The following AGBL1 variants were observed in gnomAD, a reference collection of about 807,000 sequenced individuals.
AGBL1 encodes the protein cytosolic carboxypeptidase 4.
Under a neutral mutation model 118.9 loss-of-function variants are expected in AGBL1, and 130 were observed. The ratio of observed to expected loss-of-function variants is 1.09; its 90% CI spans 0.95 to 1.26. AGBL1 has a LOEUF of 1.26. Among genes scored for constraint, AGBL1 ranks in the 50% most tolerant of loss-of-function variants. The probability of loss-of-function intolerance (pLI) is 0.00; values close to 1 mark genes in which losing one functional copy is unlikely to be tolerated. For synonymous variants in AGBL1, 555 were observed against 478.9 expected, an observed-to-expected ratio of 1.16 and a Z score of -2.08; for missense variants, 1,584 against 1,298.1, an observed-to-expected ratio of 1.22 and a Z score of -3.38.
chr15:86,315,189 T>G (rs6496321), intron 17 of AGBL1, among the ~76,000 whole-genome samples: 111,257 of 152,030 alleles, frequency 0.73, 41,552 homozygotes, highest in African/African-American at 0.85. Context: ...AAAGCCTTTC[T>G]AATGGTGAAA....
At chr15:86,098,333 A>G (rs2141487807) in intron 1 of AGBL1, among the ~76,000 whole-genome samples, 1 of 151,978 alleles carries the variant, frequency 6.6e-6, no homozygotes, top group East Asian at 1.9e-4. Flanking sequence ...CCATTTATCT[A>G]TTTCTGGTTT....
intron 19 of AGBL1, among the ~76,000 whole-genome samples, chr15:86,540,747 T>C (rs984093475): frequency 5.3e-5 from 8 of 152,194 alleles, no homozygotes; most frequent in Non-Finnish European, 1.0e-4. Context: ...TGCCTTGTAA[T>C]TGCACCCTGC....
At chr15:86,832,331 TC>T (rs2079116452) in intron 22 of AGBL1, among the ~76,000 whole-genome samples, 2 of 152,218 alleles carry the variant, frequency 1.3e-5, no homozygotes, top group African/African-American at 4.8e-5. Context: ...TCTTTTCTAC[TC>T]CATCATCAGG....
At chr15:86,639,338 G>A (rs1567097280) in intron 21 of AGBL1, among the ~76,000 whole-genome samples, 2 of 152,116 alleles carry the variant, frequency 1.3e-5, no homozygotes, top group Non-Finnish European at 2.9e-5. Context: ...GGAAGAGCAG[G>A]AGTTTCTTTG....
At chr15:86,528,494 C>A (rs538845694) in intron 19 of AGBL1, among the ~76,000 whole-genome samples, 104 of 151,620 alleles carry the variant, frequency 6.9e-4, no homozygotes, top group African/African-American at 2.5e-3. Flanking sequence ...GCACAGCAGT[C>A]TGAGATCAAA....
At chr15:86,244,507 T>C (rs1441664976) in intron 6 of AGBL1, among the ~76,000 whole-genome samples, 4 of 149,834 alleles carry the variant, frequency 2.7e-5, no homozygotes, top group Non-Finnish European at 3.0e-5. Flanking sequence ...CAGAGAAAGA[T>C]TGACGGGTGT....
chr15:86,987,799 T>G (rs2141734683), intron 23 of AGBL1, among the ~76,000 whole-genome samples: 1 of 152,286 alleles, frequency 6.6e-6, no homozygotes, highest in South Asian at 2.1e-4. Context: ...TATGTATATT[T>G]TAATAAGAAA....
At chr15:86,981,102 G>C (rs115764583) in intron 23 of AGBL1, among the ~76,000 whole-genome samples, 1 of 151,950 alleles carries the variant, frequency 6.6e-6, no homozygotes, top group Non-Finnish European at 1.5e-5. Context: ...GGTCAGACCC[G>C]TCTCAAACTC....
Position 86,807,599 on chromosome 15 carries a change from G to A in AGBL1, c.3159-99488G>A, listed in dbSNP as rs183984695. ...CCTATAGGTATGGTCTGTGTACCTT[G>A]GAAGTCCTGGGTGTTGTGGAAAGTG... On this transcript the variant is annotated intron_variant, in intron 22 of 22. Coordinates refer to ENST00000614907, the MANE Select transcript of AGBL1 (RefSeq NM_001386094.1). Among the ~76,000 whole-genome samples the A allele has an allele frequency of 2.0e-5, 3 of 152,150 alleles. No individual in the cohort carries two copies. In the East Asian group the frequency reaches 5.8e-4, roughly 29 times the overall value.
chr15:86,562,904 C>G (rs2083849232), intron 21 of AGBL1, among the ~76,000 whole-genome samples: 1 of 152,092 alleles, frequency 6.6e-6, no homozygotes, highest in Non-Finnish European at 1.5e-5. Context: ...TTATCCATGT[C>G]TTCTAGATTT....
intron 22 of AGBL1, among the ~76,000 whole-genome samples, chr15:86,812,643 G>A (rs2078805148): frequency 6.6e-6 from 1 of 152,118 alleles, no homozygotes; most frequent in African/African-American, 2.4e-5. Flanking sequence ...TGACATGTAA[G>A]TTCATAGAGC....
chr15:86,918,922 G>C (rs2080456951), downstream of AGBL1, among the ~76,000 whole-genome samples: 1 of 152,194 alleles, frequency 6.6e-6, no homozygotes, highest in African/African-American at 2.4e-5. Flanking sequence ...TCTGGTTCAG[G>C]AAATGATTCT....
rs190965374 is a variant in AGBL1, at chr15:86,504,492, T to G, written c.2556-18318T>G. Among the ~76,000 whole-genome samples the G allele has an allele frequency of 2.2e-3, 329 of 151,804 alleles. 4 individuals carry two copies. The highest frequency in any genetic ancestry group is 7.6e-3 in the African/African-American group (317 of 41,534). On this transcript the variant is annotated intron_variant, in intron 18 of 22. Coordinates refer to ENST00000614907, the MANE Select transcript of AGBL1 (RefSeq NM_001386094.1). ...TTTCTATGTGTTTTTTGTTGTTTTT[T>G]CATTCCTCTCTTATTTCTTTTGAGT...
chr15:86,824,290 A>G (rs2078978960), intron 22 of AGBL1, among the ~76,000 whole-genome samples: 1 of 152,144 alleles, frequency 6.6e-6, no homozygotes, highest in Non-Finnish European at 1.5e-5. Context: ...TTTCTATACT[A>G]AAAATGAACA....
intron 22 of AGBL1, among the ~76,000 whole-genome samples, chr15:86,735,613 T>C (rs1239815497): frequency 1.3e-5 from 2 of 149,688 alleles, no homozygotes; most frequent in African/African-American, 2.5e-5. Context: ...TGTGTGTGTG[T>C]GTGTGTGTGT....
chr15:86,837,210 G>T (rs1246901771), intron 22 of AGBL1, among the ~76,000 whole-genome samples: 1 of 142,258 alleles, frequency 7.0e-6, no homozygotes, highest in Non-Finnish European at 1.5e-5. Flanking sequence ...TGTTCCAGAA[G>T]ACTTCCTGAC....
chr15:86,770,863 C>T (rs932329748), intron 22 of AGBL1, among the ~76,000 whole-genome samples: 52 of 152,034 alleles, frequency 3.4e-4, no homozygotes, highest in African/African-American at 1.2e-3. Context: ...CTACTCTGTG[C>T]TAAGGGCAGG....
At chr15:86,728,471 G>A (rs1429067714) in intron 22 of AGBL1, among the ~76,000 whole-genome samples, 1 of 152,166 alleles carries the variant, frequency 6.6e-6, no homozygotes, top group East Asian at 1.9e-4. Context: ...AGTCAGACAG[G>A]TGGCCCCATA....
chr15:86,171,051 C>G (rs1301856118), intron 5 of AGBL1, among the ~76,000 whole-genome samples: 1 of 152,074 alleles, frequency 6.6e-6, no homozygotes, highest in Non-Finnish European at 1.5e-5. Flanking sequence ...GTGAAAATAG[C>G]TTTTAAAACT....
Sources: gnomAD v4.1 joint callset for allele counts (sites outside exome capture counted in the v4.1 genomes callset) on GRCh38, gnomAD v4.1.1 for gene constraint, MANE v1.5 for transcripts, NCBI Gene and HGNC (gene_info 2026-07-23, HGNC 2026-07-21) for gene names.